C21orf58: variants seen among roughly 807,000 people sequenced by gnomAD.
The protein encoded by C21orf58 is chromosome 21 open reading frame 58.
C21orf58 carries 34 observed loss-of-function variants against 35.8 expected under a neutral mutation model. The ratio of observed to expected loss-of-function variants is 0.95; its 90% confidence interval spans 0.72 to 1.26. The LOEUF (loss-of-function observed/expected upper bound fraction) is 1.26, where lower values mean the gene tolerates loss of function less well. Ranked by LOEUF, C21orf58 falls within the 50% of genes most tolerant of loss-of-function variation. C21orf58 has a pLI of 0.00. For synonymous variants in C21orf58, 191 were observed against 175.8 expected (o/e 1.09, Z -0.68); for missense variants, 440 against 414.3 (o/e 1.06, Z -0.54).
In C21orf58 at chr21:46,318,198, G is replaced by A; in HGVS notation, c.123C>T (p.Ala41=). Residue 41 remains alanine, a synonymous_variant, in exon 2 of 8, where the codon GCC becomes GCT. Coordinates refer to ENST00000291691, the MANE Select transcript of C21orf58 (RefSeq NM_058180.5). ...AAGCACCGGTGTTGCCTGCAGGGCG[G>A]GCCTTACCTCCTGGAGACCAGCCTG... is the stretch of plus-strand genomic sequence containing the variant. ...LLCGWSPGGK[A]RPAGNTGAWA... 1.2e-6 allele frequency: 2 copies of A among 1,612,662 alleles called. No homozygotes were observed. The highest frequency in any genetic ancestry group is 1.1e-5 in the South Asian group (1 of 91,076).
chr21:46,303,664 A>T, intron 6 of C21orf58, among the ~76,000 whole-genome samples: 1 of 129,530 alleles, frequency 7.7e-6, no homozygotes, highest in African/African-American at 2.8e-5. Context: ...CAGTCATAGC[A>T]AGACCTCATC....
At position 46,302,069 on chromosome 21, in the gene C21orf58, G is replaced by A; in HGVS notation, c.899C>T (p.Ala300Val). 6.7e-7 allele frequency: 1 copy of A among 1,488,308 alleles called. No individual in the cohort carries two copies. The highest frequency in any genetic ancestry group is 9.0e-7 in the Non-Finnish European group (1 of 1,115,730). The allele number at this position is 1,488,308 out of a possible 1,614,324, so 92.2% of individuals were successfully genotyped here. Residue 300 changes from alanine (A) to valine (V), a missense_variant, in exon 8 of 8, where the codon GCT (alanine) becomes GTT (valine). Ala to Val is a moderately conservative substitution (Grantham distance 64, BLOSUM62 0). Coordinates refer to ENST00000291691, the MANE Select transcript of C21orf58 (RefSeq NM_058180.5). Reference sequence around the variant, plus strand: ...AGTGGCAGCCCCAGGTGGCCACACAGCATGGTGGTGGTGGTGGTGGTGGTG... The same window carrying A: ...AGTGGCAGCCCCAGGTGGCCACACAACATGGTGGTGGTGGTGGTGGTGGTG... ...AVHHHHHHHH[A>V]VWPPGAATVL...
At chr21:46,306,526 T>G (rs1030987657) in intron 6 of C21orf58, among the ~76,000 whole-genome samples, 5 of 152,160 alleles carry the variant, frequency 3.3e-5, no homozygotes, top group African/African-American at 1.2e-4. Flanking sequence ...ATGAATTCCT[T>G]TAGAACAGTT....
Position 46,318,043 on chromosome 21 carries a change from A to G in C21orf58, c.278T>C (p.Val93Ala), listed in dbSNP as rs2083041266. ...CAAGAGCTTCAGCGTCAGTCGGGTC[A>G]CTTGCTCTGCTGCTGATGAGTCCAG... ...TMLDSSAAEQ[V>A]TRLTLKLLGQ... is the part of the protein sequence containing the mutation. The change falls in exon 2 of 8, where the codon GTG becomes GCG. Residue 93 changes from valine (V) to alanine (A), a missense_variant. Transcript: ENST00000291691. 6.2e-7 allele frequency: 1 copy of G among 1,613,466 alleles called. No homozygotes were observed.
chr21:46,307,859 T>C (rs1422251838), intron 6 of C21orf58, among the ~76,000 whole-genome samples: 2 of 152,184 alleles, frequency 1.3e-5, no homozygotes, highest in Non-Finnish European at 2.9e-5. Flanking sequence ...CAACCACCAC[T>C]GCATCCTGTT....
At chr21:46,302,771 C>G (rs2082174953) in intron 6 of C21orf58, among the ~76,000 whole-genome samples, 195 bp from the exon 7 acceptor site, 1 of 109,734 alleles carries the variant, frequency 9.1e-6, no homozygotes, top group South Asian at 3.6e-4. Flanking sequence ...GGTGCGGGTC[C>G]CCGGGGCGCG....
intron 6 of C21orf58, among the ~76,000 whole-genome samples, chr21:46,305,677 C>T (rs2082383320): frequency 6.6e-6 from 1 of 152,138 alleles, no homozygotes; most frequent in Admixed American, 6.6e-5. Flanking sequence ...CGGTGGCTCA[C>T]GCCTGTAATC....
In C21orf58 at chr21:46,318,033, C is replaced by CA; in HGVS notation, c.287dup (p.Thr97AspfsTer21). The stretch of plus-strand genomic sequence containing the variant: ...TCACCTGTCCCAAGAGCTTCAGCGT[C>CA]AGTCGGGTCACTTGCTCTGCTGCTG... On this transcript the variant is annotated frameshift_variant, in exon 2 of 8. Coordinates refer to ENST00000291691, the MANE Select transcript of C21orf58 (RefSeq NM_058180.5). LOFTEE classifies it high-confidence loss of function. 6.2e-7 allele frequency: 1 copy of CA among 1,613,460 alleles called. No individual in the cohort carries two copies. The highest frequency in any genetic ancestry group is 8.5e-7 in the Non-Finnish European group (1 of 1,180,002).
chr21:46,322,437 T>A (rs1377458131), intron 1 of C21orf58: 1 of 985,168 alleles, frequency 1.0e-6, no homozygotes, highest in Non-Finnish European at 1.2e-6. Context: ...GTTGTAAATG[T>A]ATTGTAACAC....
In C21orf58 at chr21:46,301,979, AG is replaced by A; in HGVS notation, c.*19del. 1 of 1,503,814 alleles carries A rather than the reference AG, an allele frequency of 6.6e-7. No homozygotes were observed. The highest frequency in any genetic ancestry group is 8.9e-7 in the Non-Finnish European group (1 of 1,126,630). 93.2% of individuals were successfully genotyped at this position (1,503,814 alleles called of 1,614,324 possible). A position where few individuals can be genotyped will look rare whatever the true frequency, so the allele number is the denominator to read the frequency against. ...CCTGGGGGTGGAGGGTGCCCCGGCC[AG>A]GGTCTCTGTGACTCACACTCAGGGT... is the stretch of plus-strand genomic sequence containing the variant. On this transcript the variant is annotated 3_prime_UTR_variant, in exon 8 of 8. Coordinates refer to ENST00000291691, the MANE Select transcript of C21orf58 (RefSeq NM_058180.5).
chr21:46,310,487 A>C (rs1004397005), intron 6 of C21orf58, among the ~76,000 whole-genome samples: 1 of 148,228 alleles, frequency 6.7e-6, no homozygotes, highest in African/African-American at 2.6e-5. Flanking sequence ...CAGAACAAAA[A>C]AAATAAAAAT....
intron 5 of C21orf58, 119 bp downstream of exon 5, chr21:46,314,597 G>T: frequency 2.5e-6 from 2 of 793,274 alleles, no homozygotes; most frequent in Non-Finnish European, 3.9e-6. Flanking sequence ...GTGGGCCTTG[G>T]GAGGATGGGG....
downstream of C21orf58, chr21:46,301,092 T>TC: frequency 3.0e-6 from 3 of 1,012,406 alleles, no homozygotes; most frequent in Non-Finnish European, 3.6e-6. Context: ...TCCCTTTTTT[T>TC]TTTTTATTAA....
chr21:46,304,230 C>T (rs2082315767), intron 6 of C21orf58, among the ~76,000 whole-genome samples: 1 of 151,842 alleles, frequency 6.6e-6, no homozygotes, highest in South Asian at 2.1e-4. Context: ...TGGGGTTTCA[C>T]TGTGTTAGCC....
Position 46,314,709 on chromosome 21 carries a change from C to A in C21orf58, c.609+7G>T. The A allele has an allele frequency of 6.9e-7, 1 of 1,449,830 alleles. No homozygotes were observed. The highest frequency in any genetic ancestry group is 9.1e-7 in the Non-Finnish European group (1 of 1,093,550). 89.8% of individuals were successfully genotyped at this position (1,449,830 alleles called of 1,614,324 possible). A position where few individuals can be genotyped will look rare whatever the true frequency, so the allele number is the denominator to read the frequency against. On this transcript the variant is annotated splice_region_variant and intron_variant, in intron 5 of 7. Transcript: ENST00000291691. Reference sequence around the variant, plus strand: ...CTCAGATGTGCTCCTCGACTTCGCCCTCTTACCGTAGGCAGGATGATCCTT... The same window carrying A: ...CTCAGATGTGCTCCTCGACTTCGCCATCTTACCGTAGGCAGGATGATCCTT...
intron 3 of C21orf58, among the ~76,000 whole-genome samples, chr21:46,316,254 G>T (rs773611335): frequency 3.9e-5 from 6 of 152,206 alleles, no homozygotes; most frequent in Admixed American, 3.9e-4. Context: ...CCGGGAGTTT[G>T]AGACGAGCCT....
rs1569144485 is a variant in C21orf58 at position 46,323,053 on chromosome 21, G to A, written c.-315C>T. The A allele has an allele frequency of 1.0e-5, 2 of 198,506 alleles. No individual in the cohort carries two copies. The highest frequency in any genetic ancestry group is 4.6e-5 in the African/African-American group (2 of 43,334). The allele number at this position is 198,506 out of a possible 1,614,324, so 12.3% of individuals were successfully genotyped here. A position where few individuals can be genotyped will look rare whatever the true frequency, so the allele number is the denominator to read the frequency against. On this transcript the variant is annotated 5_prime_UTR_variant, in exon 1 of 8. Transcript: ENST00000291691. ...GGGTTAGCTGAAGGAATACTCCACA[G>A]TTAAGGACGGCCTGCGCGAGGTCAC...
In C21orf58 at chr21:46,317,368, C is replaced by T. The variant is rs143018532; in HGVS notation, c.310-100G>A. On this transcript the variant is annotated intron_variant, in intron 2 of 7. Transcript: ENST00000291691. ...GGCTTTCTGAGTGAAAAGAATGGTA[C>T]GTCAGGAGTAACCCAGCCTCTCCAG... The T allele has an allele frequency of 4.2e-5, 65 of 1,538,620 alleles. No homozygotes were observed. The African/African-American group carries it at 4.9e-4, about 12-fold the overall frequency.
chr21:46,312,500 G>A (rs1601682083), intron 5 of C21orf58, among the ~76,000 whole-genome samples: 1 of 152,062 alleles, frequency 6.6e-6, no homozygotes, highest in Admixed American at 6.6e-5. Flanking sequence ...TGTGTTTTTA[G>A]TATAGACGGG....
Sources: allele counts gnomAD v4.1 joint callset (sites outside exome capture counted in the v4.1 genomes callset), GRCh38; gene constraint gnomAD v4.1.1; transcripts MANE v1.5; gene names NCBI Gene and HGNC (gene_info 2026-07-23, HGNC 2026-07-21).